The following NRG1 variants were observed in gnomAD, a reference collection of about 807,000 sequenced individuals.
NRG1 encodes the protein neuregulin 1, also known as pro-neuregulin-1, membrane-bound isoform.
Under a neutral mutation model 63.8 loss-of-function variants are expected in NRG1, and 18 were observed. The ratio of observed to expected loss-of-function variants is 0.28; its 90% CI spans 0.19 to 0.42. The LOEUF (loss-of-function observed/expected upper bound fraction) is 0.42. Among genes scored for constraint, NRG1 ranks in the 10% least tolerant of loss-of-function variants. The probability of loss-of-function intolerance (pLI) is 1.00; values close to 1 mark genes in which losing one functional copy is unlikely to be tolerated. For missense variants in NRG1, 762 were observed against 814.7 expected, an observed-to-expected ratio of 0.94 and a Z score of 0.79; for synonymous variants, 302 against 301.3, an observed-to-expected ratio of 1.00 and a Z score of -0.02.
chr8:32,087,236 T>G (rs911419229), intron 1 of NRG1, among the ~76,000 whole-genome samples: 3 of 152,066 alleles, frequency 2.0e-5, no homozygotes, highest in Non-Finnish European at 4.4e-5. Flanking sequence ...ATGAATGGCT[T>G]AGTACCATCT....
At chr8:31,957,582 ATCATT>A (rs1285568997) in intron 1 of NRG1, among the ~76,000 whole-genome samples, 1 of 148,934 alleles carries the variant, frequency 6.7e-6, no homozygotes, top group Non-Finnish European at 1.5e-5. Flanking sequence ...ATCCAAAACT[ATCATT>A]TCAACATGTC....
At chr8:32,470,286 T>C (rs1823665290) in intron 1 of NRG1, among the ~76,000 whole-genome samples, 1 of 151,438 alleles carries the variant, frequency 6.6e-6, no homozygotes, top group Non-Finnish European at 1.5e-5. Flanking sequence ...GTTCACGCCA[T>C]TCTCCTGCCT....
At chr8:31,792,210 A>G (rs184106376) in intron 1 of NRG1, among the ~76,000 whole-genome samples, 192 of 152,322 alleles carry the variant, frequency 1.3e-3, no homozygotes, top group African/African-American at 4.4e-3. Flanking sequence ...GAAACCTAGA[A>G]CACATATATT....
intron 1 of NRG1, among the ~76,000 whole-genome samples, chr8:32,592,724 G>A (rs1192156582): frequency 6.6e-5 from 10 of 152,124 alleles, no homozygotes; most frequent in South Asian, 6.2e-4. Context: ...AGACTATATT[G>A]ATAAGCAAAT....
At chr8:32,338,756 C>T (rs1265223892) in intron 1 of NRG1, among the ~76,000 whole-genome samples, 1 of 152,148 alleles carries the variant, frequency 6.6e-6, no homozygotes, top group East Asian at 1.9e-4. Flanking sequence ...AAATGTTTAC[C>T]ACTTGGCAAA....
In NRG1 at chr8:32,676,802, C is replaced by T. The variant is rs539520700; in HGVS notation, c.503-51147C>T. ...TGCAACGTGGTACTGATAGGAGGAA[C>T]AACAATCAACATTTAAGTTTTGTCT... On this transcript the variant is annotated intron_variant, in intron 5 of 11. Coordinates refer to ENST00000356819, the Ensembl canonical transcript of NRG1. Among the ~76,000 whole-genome samples the T allele has an allele frequency of 2.0e-5, 3 of 152,212 alleles. No individual in the cohort carries two copies. In the South Asian group the frequency reaches 6.2e-4, roughly 32 times the overall value.
chr8:31,655,258 G>A (rs1160305977), intron 1 of NRG1, among the ~76,000 whole-genome samples: 1 of 152,176 alleles, frequency 6.6e-6, no homozygotes, highest in Non-Finnish European at 1.5e-5. Flanking sequence ...AATTAGACAT[G>A]CCCCTTTCTG....
intron 1 of NRG1, among the ~76,000 whole-genome samples, chr8:32,252,675 C>T (rs1022350607): frequency 2.6e-5 from 4 of 152,114 alleles, no homozygotes; most frequent in African/African-American, 9.7e-5. Context: ...CTTGGCTATA[C>T]AGGCTCTCTT....
At chr8:32,521,261 C>A (rs1588095491) in intron 1 of NRG1, among the ~76,000 whole-genome samples, 1 of 152,054 alleles carries the variant, frequency 6.6e-6, no homozygotes, top group South Asian at 2.1e-4. Flanking sequence ...ATTTTTTTGT[C>A]TGTCTTTCCC....
intron 1 of NRG1, among the ~76,000 whole-genome samples, chr8:32,130,117 A>G (rs1456412122): frequency 1.3e-5 from 2 of 151,810 alleles, no homozygotes; most frequent in Non-Finnish European, 2.9e-5. Context: ...AATTAAGGAG[A>G]TCTCTGTGGT....
rs548415222 is a variant in NRG1 at position 32,735,682 on chromosome 8, G to T, written c.633-6993G>T. On this transcript the variant is annotated intron_variant, in intron 6 of 11. Coordinates refer to ENST00000356819, the Ensembl canonical transcript of NRG1. ...GATTGATCCCACATCCAATGAAATT[G>T]TTTGACCCCCAACTTAAGGATTCAT... Among the ~76,000 whole-genome samples, 7 of 152,248 alleles carry T rather than the reference G, an allele frequency of 4.6e-5. 1 individual carries two copies. In the South Asian group the frequency reaches 1.0e-3, roughly 23 times the overall value.
intron 1 of NRG1, among the ~76,000 whole-genome samples, chr8:31,844,156 G>C (rs1277668009): frequency 1.3e-5 from 2 of 152,192 alleles, no homozygotes; most frequent in African/African-American, 4.8e-5. Flanking sequence ...TAACCCAAAT[G>C]CTCTGTTGCG....
At chr8:32,184,635 C>A (rs796514386) in intron 1 of NRG1, among the ~76,000 whole-genome samples, 8 of 151,234 alleles carry the variant, frequency 5.3e-5, no homozygotes, top group African/African-American at 1.9e-4. Flanking sequence ...GGTGATTGAA[C>A]AAATATGTAG....
At chr8:32,052,023 C>T (rs1370616429) in intron 1 of NRG1, among the ~76,000 whole-genome samples, 1 of 152,018 alleles carries the variant, frequency 6.6e-6, no homozygotes, top group Non-Finnish European at 1.5e-5. Context: ...GTTGAGGCCA[C>T]ATGACAAGTA....
At chr8:32,402,717 A>G (rs1161076782) in intron 1 of NRG1, among the ~76,000 whole-genome samples, 1 of 152,190 alleles carries the variant, frequency 6.6e-6, no homozygotes, top group Non-Finnish European at 1.5e-5. Context: ...GAGAAGCCCT[A>G]AAGTGCTTCC....
intron 1 of NRG1, among the ~76,000 whole-genome samples, chr8:31,692,940 A>T (rs181366590): frequency 2.0e-5 from 3 of 152,212 alleles, no homozygotes; most frequent in Admixed American, 6.5e-5. Flanking sequence ...ATCTCTGAAG[A>T]TACAACCTGG....
intron 5 of NRG1, among the ~76,000 whole-genome samples, chr8:32,659,185 C>A (rs1802252204): frequency 7.0e-6 from 1 of 142,158 alleles, no homozygotes; most frequent in Non-Finnish European, 1.5e-5. Flanking sequence ...TGCTCTGTTG[C>A]CCAGGCTGGA....
rs139138541 is a variant in NRG1, at chr8:32,077,129, G to A, written c.37+437698G>A. Among the ~76,000 whole-genome samples the A allele has an allele frequency of 5.6e-4, 85 of 152,338 alleles. No homozygotes were observed. The East Asian group carries it at 0.014, about 25-fold the overall frequency. On this transcript the variant is annotated intron_variant, in intron 1 of 10. Transcript: ENST00000519301. ...CGCCTGTAATCCCAGCACTTTGGGA[G>A]GCTGAGGCAGGTGGATCACCAGAGT... is the stretch of plus-strand genomic sequence containing the variant.
intron 1 of NRG1, among the ~76,000 whole-genome samples, chr8:31,679,167 G>A (rs892934551): frequency 2.6e-5 from 4 of 151,726 alleles, no homozygotes; most frequent in African/African-American, 9.7e-5. Context: ...TCCTCCCTCA[G>A]TTCTCTTTTC....
Sources: allele counts gnomAD v4.1 joint callset (sites outside exome capture counted in the v4.1 genomes callset), GRCh38; gene constraint gnomAD v4.1.1; transcripts MANE v1.5; gene names NCBI Gene and HGNC (gene_info 2026-07-23, HGNC 2026-07-21).